The following ZFP36L1 variants were observed in gnomAD, a reference collection of about 807,000 sequenced individuals.
ZFP36L1 encodes mRNA decay activator protein ZFP36L1.
Under a neutral mutation model 16.7 loss-of-function variants are expected in ZFP36L1, and 4 were observed. The ratio of observed to expected loss-of-function variants is 0.24; its 90% CI spans 0.12 to 0.55. The LOEUF is 0.55. ZFP36L1 is among the 20% of genes least tolerant of loss of function. The pLI, the probability that ZFP36L1 is intolerant of heterozygous loss-of-function variation, is 0.94. For synonymous variants in ZFP36L1, 220 were observed against 190.8 expected (o/e 1.15, Z -1.26); for missense variants, 311 against 449.2 (o/e 0.69, Z 2.78).
intron 1 of ZFP36L1, among the ~76,000 whole-genome samples, chr14:68,792,333 C>G (rs922316187): frequency 6.6e-6 from 1 of 152,294 alleles, no homozygotes; most frequent in Admixed American, 6.5e-5. Flanking sequence ...CGGACTCAAG[C>G]CCCACTGCAA....
At chr14:68,792,503 C>T (rs1895114403) in intron 1 of ZFP36L1, among the ~76,000 whole-genome samples, 3 of 152,264 alleles carry the variant, frequency 2.0e-5, no homozygotes, top group African/African-American at 7.2e-5. Flanking sequence ...CTGGACAGAC[C>T]TAGGGCGCAG....
upstream of ZFP36L1, chr14:68,793,957 C>A (rs1282297639): frequency 2.0e-6 from 2 of 982,902 alleles, no homozygotes; most frequent in Admixed American, 1.2e-4. Flanking sequence ...AAGACCACAA[C>A]CCGGGACGAT....
upstream of ZFP36L1, chr14:68,795,907 C>T (rs770584392): frequency 1.1e-4 from 110 of 983,610 alleles, 2 homozygotes; most frequent in South Asian, 1.4e-3. Flanking sequence ...GGAGCCGACC[C>T]GCCCTCGCCC....
In ZFP36L1 at chr14:68,789,162, C is replaced by A. The variant is rs1309355583; in HGVS notation, c.*371G>T. 1 of 212,884 alleles carries A rather than the reference C, an allele frequency of 4.7e-6. No individual in the cohort carries two copies. The highest frequency in any genetic ancestry group is 2.3e-5 in the African/African-American group (1 of 43,218). The allele number at this position is 212,884 out of a possible 1,614,324, so 13.2% of individuals were successfully genotyped here. On this transcript the variant is annotated 3_prime_UTR_variant, in exon 2 of 2. Coordinates refer to ENST00000439696, the MANE Select transcript of ZFP36L1 (RefSeq NM_004926.4). This position sits in a 1 kb window ranked among gnomAD's most constrained non-coding sequence, Gnocchi z 4.5. ...ACAGTGACAAAGTTAGATTACAAGG[C>A]ACTAAGTTGCTTCTGTAAACTGTTA... is the stretch of plus-strand genomic sequence containing the variant.
intron 1 of ZFP36L1, among the ~76,000 whole-genome samples, chr14:68,792,641 T>C (rs2140212360): frequency 1.3e-5 from 2 of 152,088 alleles, no homozygotes; most frequent in South Asian, 2.1e-4. Flanking sequence ...CAGGCAAACT[T>C]CGCCCCTCAA....
chr14:68,792,331 A>T (rs576485520), intron 1 of ZFP36L1, among the ~76,000 whole-genome samples: 1 of 152,326 alleles, frequency 6.6e-6, no homozygotes, highest in African/African-American at 2.4e-5. Flanking sequence ...GGCGGACTCA[A>T]GCCCCACTGC....
At chr14:68,790,931 T>C in intron 1 of ZFP36L1, 2 of 617,914 alleles carry the variant, frequency 3.2e-6, no homozygotes, top group Admixed American at 2.8e-5. Context: ...TAGGCTACGT[T>C]AGGTCCCCTT....
chr14:68,787,782 G>C lies in ZFP36L1; in HGVS notation c.*1751C>G, dbSNP rs757142209. On this transcript the variant is annotated 3_prime_UTR_variant, in exon 2 of 2. Coordinates refer to ENST00000439696, the MANE Select transcript of ZFP36L1 (RefSeq NM_004926.4). ...AAATAGAAAGCGACGGTAGTGACCAGCAAGAGGAATAATAATTACATTCAT... is the reference window on the plus strand; with the variant it reads ...AAATAGAAAGCGACGGTAGTGACCACCAAGAGGAATAATAATTACATTCAT... 6.5e-5 allele frequency: 10 copies of C among 152,720 alleles called. No homozygotes were observed. Among genetic ancestry groups the C allele is most frequent in the Non-Finnish European group, 1.3e-4 (9 of 68,040 alleles). The allele number at this position is 152,720 out of a possible 1,614,324, so 9.5% of individuals were successfully genotyped here. A position where few individuals can be genotyped will look rare whatever the true frequency, so the allele number is the denominator to read the frequency against.
chr14:68,793,208 G>A (rs1231436111), upstream of ZFP36L1: 4 of 1,082,284 alleles, frequency 3.7e-6, no homozygotes, highest in Non-Finnish European at 4.5e-6. Context: ...ATGCGGTCAG[G>A]CGGGGAGGGG....
rs1408903359 is a variant in ZFP36L1 at position 68,787,886 on chromosome 14, A to T, written c.*1647T>A. The T allele has an allele frequency of 6.6e-6, 1 of 152,326 alleles. No individual in the cohort carries two copies. Among genetic ancestry groups the T allele is most frequent in the Non-Finnish European group, 1.5e-5 (1 of 67,980 alleles). The allele number at this position is 152,326 out of a possible 1,614,324, so 9.4% of individuals were successfully genotyped here. ...TGGAATCCAGAACCTCAAATCTGTG[A>T]GTGGAATGTCTTGAGATGGGCACGT... On this transcript the variant is annotated 3_prime_UTR_variant, in exon 2 of 2. Coordinates refer to ENST00000439696, the MANE Select transcript of ZFP36L1 (RefSeq NM_004926.4).
At chr14:68,795,418 G>T (rs1461457683), upstream of ZFP36L1, among the ~76,000 whole-genome samples, 1 of 151,834 alleles carries the variant, frequency 6.6e-6, no homozygotes, top group African/African-American at 2.4e-5. Flanking sequence ...CAAAGGGGAA[G>T]GGGACTGGGA....
chr14:68,793,398 G>C, upstream of ZFP36L1: 1 of 1,002,256 alleles, frequency 1.0e-6, no homozygotes, highest in Non-Finnish European at 1.2e-6. Context: ...CCCTCTCCGG[G>C]GCCGCGCGGG....
upstream of ZFP36L1, chr14:68,796,169 T>C: frequency 2.2e-6 from 3 of 1,366,584 alleles, no homozygotes; most frequent in Non-Finnish European, 2.9e-6. Context: ...GCGCGTCCCT[T>C]CGTGGGGAGG....
At chr14:68,796,095 G>C (rs558203654), upstream of ZFP36L1, 8 of 1,361,296 alleles carry the variant, frequency 5.9e-6, no homozygotes, top group East Asian at 3.2e-4. Context: ...GCTTCCGACC[G>C]GGAGGCGGTG....
chr14:68,790,235 G>A lies in ZFP36L1; in HGVS notation c.315C>T (p.Pro105=), dbSNP rs776158646. The part of the protein sequence containing the change: ...GERLLPTQKQ[P]GGGQVNSSRY... The stretch of plus-strand genomic sequence containing the variant: ...GGCTGGAGTTGACCTGGCCGCCCCC[G>A]GGCTGCTTCTGGGTGGGCAGCAGCC... Residue 105 remains proline (P), a synonymous_variant, in exon 2 of 2, where the codon CCC becomes CCT. Coordinates refer to ENST00000439696, the MANE Select transcript of ZFP36L1 (RefSeq NM_004926.4). 1.9e-6 allele frequency: 3 copies of A among 1,612,348 alleles called. No homozygotes were observed. The highest frequency in any genetic ancestry group is 2.2e-5 in the East Asian group (1 of 44,878).
At position 68,790,074 on chromosome 14, in the gene ZFP36L1, C is replaced by T. The variant is rs2140209341; in HGVS notation, c.476G>A (p.Arg159His). 1 of 1,610,974 alleles carries T rather than the reference C, an allele frequency of 6.2e-7. No homozygotes were observed. The change falls in exon 2 of 2, where the codon CGC (arginine) becomes CAC (histidine). Residue 159 changes from arginine to histidine, a missense_variant. Around this residue, in one of 4 missense-constraint regions of ZFP36L1, gnomAD observed 24 missense variants for 88.8 expected, o/e 0.27. Coordinates refer to ENST00000439696, the MANE Select transcript of ZFP36L1 (RefSeq NM_004926.4). Reference protein sequence around the residue: ...RHPKYKTELCRTFHTIGFCPY... With the variant: ...RHPKYKTELCHTFHTIGFCPY... Reference sequence around the variant, plus strand: ...GCAAAAGCCGATGGTGTGGAAGGTGCGGCACAGCTCCGTCTTGTACTTGGG... The same window carrying T: ...GCAAAAGCCGATGGTGTGGAAGGTGTGGCACAGCTCCGTCTTGTACTTGGG...
At chr14:68,795,738 G>T, upstream of ZFP36L1, 1 of 525,378 alleles carries the variant, frequency 1.9e-6, no homozygotes, top group Admixed American at 2.0e-5. Context: ...GTTTGTTCCA[G>T]CTCCCAGAGC....
chr14:68,789,210 GCA>G lies in ZFP36L1; in HGVS notation c.*321_*322del, dbSNP rs1424360799. ...TTACTGCTTTTTCTCTTGTGATTTGGCACTTAAGGCTTAAGCCGGAAAAAAAA... is the reference window on the plus strand; with the variant it reads ...TTACTGCTTTTTCTCTTGTGATTTGGCTTAAGGCTTAAGCCGGAAAAAAAA... On this transcript the variant is annotated 3_prime_UTR_variant, in exon 2 of 2. Transcript: ENST00000439696. The surrounding 1 kb of genome is among the most constrained non-coding windows in gnomAD (Gnocchi z 4.5). 1 of 309,088 alleles carries G rather than the reference GCA, an allele frequency of 3.2e-6. No individual in the cohort carries two copies. The allele number at this position is 309,088 out of a possible 1,614,324, so 19.1% of individuals were successfully genotyped here.
At chr14:68,793,641 A>G, upstream of ZFP36L1, 1 of 985,596 alleles carries the variant, frequency 1.0e-6, no homozygotes, top group Non-Finnish European at 1.2e-6. Flanking sequence ...AAGTGTCTGC[A>G]CAACTTACCT....
Sources: gnomAD v4.1 joint callset for allele counts (sites outside exome capture counted in the v4.1 genomes callset) on GRCh38, gnomAD v4.1.1 for gene constraint, gnomAD v4.1.1 regional missense constraint, Gnocchi (gnomAD v3.1) non-coding constraint, MANE v1.5 for transcripts, NCBI Gene and HGNC (gene_info 2026-07-23, HGNC 2026-07-21) for gene names.